Variants in CDH13 observed in about 807,000 individuals in gnomAD.
CDH13 encodes the protein cadherin 13.
CDH13 carries 24 observed loss-of-function variants against 63.8 expected under a neutral mutation model. That is an observed-to-expected ratio of 0.38 (90% CI 0.27 to 0.53). The LOEUF is 0.53. CDH13 is among the 20% of genes least tolerant of loss of function. The pLI, the probability that CDH13 is intolerant of heterozygous loss-of-function variation, is 0.85. For missense variants in CDH13, 1,049 were observed against 903.1 expected (o/e 1.16, Z -2.07); for synonymous variants, 503 against 355.3 (o/e 1.42, Z -4.67).
chr16:82,873,365 G>A lies in CDH13; in HGVS notation c.157+14892G>A, dbSNP rs536612555. ...CAAGATCTCACTAAAAAGTGTCAGT[G>A]GTGTTACAATCCTCTGACTCCAAAC... On this transcript the variant is annotated intron_variant, in intron 2 of 13. Transcript: ENST00000567109. 1.9e-3 allele frequency among the ~76,000 whole-genome samples: 290 copies of A among 152,304 alleles called. 3 individuals are homozygous for A. The highest frequency in any genetic ancestry group is 3.6e-3 in the Non-Finnish European group (243 of 68,028).
intron 6 of CDH13, among the ~76,000 whole-genome samples, chr16:83,437,822 G>C (rs1464886144): frequency 6.6e-6 from 1 of 152,052 alleles, no homozygotes; most frequent in African/African-American, 2.4e-5. Context: ...TTGGCCAAAG[G>C]GTAGAAATTA....
intron 1 of CDH13, among the ~76,000 whole-genome samples, chr16:82,686,387 G>C (rs1915072639): frequency 6.6e-6 from 1 of 152,162 alleles, no homozygotes; most frequent in Non-Finnish European, 1.5e-5. Context: ...TAAATGCAGA[G>C]GGTCTTAGCA....
intron 6 of CDH13, among the ~76,000 whole-genome samples, chr16:83,472,407 C>T (rs1276543460): frequency 6.6e-6 from 1 of 152,220 alleles, no homozygotes; most frequent in Non-Finnish European, 1.5e-5. Context: ...TCTCCCCTAA[C>T]AAGAGGCTGG....
intron 5 of CDH13, among the ~76,000 whole-genome samples, chr16:83,273,894 T>C (rs1335968659): frequency 1.3e-5 from 2 of 152,166 alleles, no homozygotes; most frequent in African/African-American, 4.8e-5. Flanking sequence ...GTACTGAACC[T>C]GGTTTCTAGC....
intron 1 of CDH13, among the ~76,000 whole-genome samples, chr16:82,717,028 G>A (rs1223117394): frequency 1.3e-5 from 2 of 152,030 alleles, no homozygotes; most frequent in Non-Finnish European, 2.9e-5. Flanking sequence ...GCTGAGCTTG[G>A]CCAGATGCTG....
intron 7 of CDH13, among the ~76,000 whole-genome samples, chr16:83,585,276 C>A (rs74035203): frequency 4.6e-5 from 7 of 152,092 alleles, no homozygotes; most frequent in African/African-American, 1.7e-4. Flanking sequence ...TTTATATTTG[C>A]CATCTCAGGA....
intron 3 of CDH13, among the ~76,000 whole-genome samples, chr16:83,060,858 C>G (rs184449328): frequency 1.3e-4 from 20 of 152,322 alleles, no homozygotes; most frequent in Admixed American, 1.3e-3. Context: ...TCCACAGCCT[C>G]TTTACTTCCC....
chr16:83,312,090 T>C (rs1042907150), intron 5 of CDH13, among the ~76,000 whole-genome samples: 1 of 130,216 alleles, frequency 7.7e-6, no homozygotes, highest in Non-Finnish European at 1.6e-5. Flanking sequence ...AAAAAAAGAA[T>C]CTTGGGAGAC....
intron 1 of CDH13, chr16:82,824,903 G>A (rs1482082465): frequency 3.3e-5 from 5 of 152,204 alleles, no homozygotes; most frequent in Non-Finnish European, 5.9e-5. Flanking sequence ...GTTCAGTTAT[G>A]ATAATGCATG....
chr16:82,784,023 G>T (rs1210269870), intron 1 of CDH13, among the ~76,000 whole-genome samples: 1 of 152,010 alleles, frequency 6.6e-6, no homozygotes, highest in Non-Finnish European at 1.5e-5. Context: ...TGTGTGGCTG[G>T]GCAATTATCC....
rs908787644 is a variant in CDH13 at position 83,007,999 on chromosome 16, A to T, written c.158-24011A>T. On this transcript the variant is annotated intron_variant, in intron 2 of 13. Coordinates refer to ENST00000567109, the MANE Select transcript of CDH13 (RefSeq NM_001257.5). ...CCGACTTACTTGGCTATTTTCATTC[A>T]TCATTAAGTGATTGATGGATCATAG... Among the ~76,000 whole-genome samples, 3 of 152,102 alleles carry T rather than the reference A, an allele frequency of 2.0e-5. No individual in the cohort carries two copies. The East Asian group carries it at 5.8e-4, about 29-fold the overall frequency.
At chr16:83,177,807 G>C (rs1413151533) in intron 4 of CDH13, among the ~76,000 whole-genome samples, 2 of 152,160 alleles carry the variant, frequency 1.3e-5, no homozygotes, top group Non-Finnish European at 2.9e-5. Flanking sequence ...CTTATTGTGT[G>C]CTCTCATGAA....
intron 4 of CDH13, among the ~76,000 whole-genome samples, chr16:83,135,945 C>T (rs1448424914): frequency 6.6e-6 from 1 of 152,044 alleles, no homozygotes; most frequent in Admixed American, 6.6e-5. Context: ...ATCATATGTC[C>T]CCACTGACAT....
chr16:83,151,702 C>T lies in CDH13; in HGVS notation c.483+26201C>T, dbSNP rs184847405. 9.2e-5 allele frequency among the ~76,000 whole-genome samples: 14 copies of T among 152,312 alleles called. 1 individual carries two copies. Among genetic ancestry groups the T allele is most frequent in the South Asian group, 6.2e-4 (3 of 4,830 alleles). ...TCAGTAGGCCAGGCACAGTGGTTCA[C>T]GCCTGTAATCCCAGCACTTTCTGAG... On this transcript the variant is annotated intron_variant, in intron 4 of 13. Coordinates refer to ENST00000567109, the MANE Select transcript of CDH13 (RefSeq NM_001257.5).
intron 3 of CDH13, among the ~76,000 whole-genome samples, chr16:83,090,522 C>T (rs1361865633): frequency 2.0e-5 from 3 of 147,322 alleles, no homozygotes; most frequent in South Asian, 2.1e-4. Flanking sequence ...TGCAGTGAGT[C>T]GAGATCGCGT....
chr16:83,767,891 G>A (rs781735975), intron 11 of CDH13, among the ~76,000 whole-genome samples: 1 of 152,106 alleles, frequency 6.6e-6, no homozygotes, highest in Non-Finnish European at 1.5e-5. Context: ...TTATTTTTGG[G>A]GGTGATGAAA....
chr16:82,843,873 A>G (rs2039137745), intron 1 of CDH13, among the ~76,000 whole-genome samples: 1 of 152,228 alleles, frequency 6.6e-6, no homozygotes, highest in Admixed American at 6.5e-5. Flanking sequence ...TGGCTCTGTG[A>G]CTATGCACCA....
intron 2 of CDH13, among the ~76,000 whole-genome samples, chr16:82,869,710 C>G (rs890063409): frequency 6.6e-6 from 1 of 152,036 alleles, no homozygotes; most frequent in Non-Finnish European, 1.5e-5. Flanking sequence ...GACAAAGGTG[C>G]CAAGAACATA....
At chr16:83,758,998 A>G (rs990646619) in intron 11 of CDH13, among the ~76,000 whole-genome samples, 3 of 152,230 alleles carry the variant, frequency 2.0e-5, no homozygotes, top group African/African-American at 7.2e-5. Context: ...AATACCATGC[A>G]AAGTCCCAAT....
Sources: allele counts gnomAD v4.1 joint callset (sites outside exome capture counted in the v4.1 genomes callset), GRCh38; gene constraint gnomAD v4.1.1; transcripts MANE v1.5; gene names NCBI Gene and HGNC (gene_info 2026-07-23, HGNC 2026-07-21).